The following ABHD2 variants were observed in gnomAD, a reference collection of about 807,000 sequenced individuals.
The protein encoded by ABHD2 is abhydrolase domain containing 2, acylglycerol lipase.
Under a neutral mutation model 48.1 loss-of-function variants are expected in ABHD2, and 20 were observed. The ratio of observed to expected loss-of-function variants is 0.42; its 90% confidence interval spans 0.29 to 0.60. ABHD2 has a LOEUF of 0.60. Among genes scored for constraint, ABHD2 ranks in the 20% least tolerant of loss-of-function variants. The pLI is 0.24. For missense variants in ABHD2, 405 were observed against 550.9 expected (o/e 0.74, Z 2.65); for synonymous variants, 209 against 214.2 (o/e 0.98, Z 0.21).
Position 89,186,527 on chromosome 15 carries a change from C to G in ABHD2, c.815+1011C>G, listed in dbSNP as rs1448735128. Among the ~76,000 whole-genome samples the G allele has an allele frequency of 6.6e-6, 1 of 152,106 alleles. No homozygotes were observed. The highest frequency in any genetic ancestry group is 1.5e-5 in the Non-Finnish European group (1 of 68,012). ...TTGCTGAGAATACTCTCCCGTTTCT[C>G]TGCTGGTGGGAACTCAGCCCATCCT... is the stretch of plus-strand genomic sequence containing the variant. On this transcript the variant is annotated intron_variant, in intron 7 of 10. Coordinates refer to ENST00000352732, the MANE Select transcript of ABHD2 (RefSeq NM_152924.5). The surrounding 1 kb of genome is among the most constrained non-coding windows in gnomAD (Gnocchi z 4.3).
rs115984472 is a variant in ABHD2, at chr15:89,159,390, T to G, written c.538+3856T>G. ...AGACTCCATCTCAAAAAAAAAGGAA[T>G]TACAATACAGTGTGATGAGTGGACT... On this transcript the variant is annotated intron_variant, in intron 5 of 10. Transcript: ENST00000352732. 3.7e-3 allele frequency among the ~76,000 whole-genome samples: 570 copies of G among 152,104 alleles called. 6 individuals are homozygous for G. Among genetic ancestry groups the G allele is most frequent in the African/African-American group, 0.013 (539 of 41,496 alleles).
chr15:89,080,392 G>A, the ABHD2 span, among the ~76,000 whole-genome samples: 1 of 152,188 alleles, frequency 6.6e-6, no homozygotes, highest in Admixed American at 6.5e-5. Flanking sequence ...AGGAGCCTGG[G>A]AACTCCATTC....
the ABHD2 span, among the ~76,000 whole-genome samples, chr15:89,080,450 C>A: frequency 1.3e-5 from 2 of 152,236 alleles, no homozygotes; most frequent in East Asian, 3.9e-4. Flanking sequence ...CTGGAGAGAA[C>A]CAGGGAAAGC....
rs950151680 is a variant in ABHD2 at position 89,167,977 on chromosome 15, A to C, written c.539-7835A>C. On this transcript the variant is annotated intron_variant, in intron 5 of 10. Transcript: ENST00000352732. The surrounding 1 kb of genome is among the most constrained non-coding windows in gnomAD (Gnocchi z 5.5). Reference sequence around the variant, plus strand: ...GACGATTCAAACTTCCTTCTTATCCACCTGACATTTTGTGGCATATCCACA... The same window carrying C: ...GACGATTCAAACTTCCTTCTTATCCCCCTGACATTTTGTGGCATATCCACA... Among the ~76,000 whole-genome samples, 1 of 152,078 alleles carries C rather than the reference A, an allele frequency of 6.6e-6. No homozygotes were observed. Among genetic ancestry groups the C allele is most frequent in the Non-Finnish European group, 1.5e-5 (1 of 68,026 alleles).
rs1397689248 is a variant in ABHD2 at position 89,100,694 on chromosome 15, C to T, written c.-107+12131C>T. On this transcript the variant is annotated intron_variant, in intron 1 of 10. Transcript: ENST00000352732. This position sits in a 1 kb window ranked among gnomAD's most constrained non-coding sequence, Gnocchi z 4.4. The stretch of plus-strand genomic sequence containing the variant: ...ACCAGCCTGGCCAACATAGTGAAAC[C>T]CTGTCTCTACTAAAAATACAAAAAA... 1.3e-5 allele frequency among the ~76,000 whole-genome samples: 2 copies of T among 151,962 alleles called. No homozygotes were observed.
chr15:89,060,086 T>A, the ABHD2 span, among the ~76,000 whole-genome samples: 3 of 22,568 alleles, frequency 1.3e-4, no homozygotes, highest in Non-Finnish European at 3.4e-4. Context: ...CCAAGGCCTT[T>A]TTTTTTTTTT....
In ABHD2 at chr15:89,185,461, C is replaced by T. The variant is rs1230782165; in HGVS notation, c.760C>T (p.Arg254Trp). The T allele has an allele frequency of 1.2e-6, 2 of 1,614,128 alleles. No individual in the cohort carries two copies. The highest frequency in any genetic ancestry group is 8.5e-7 in the Non-Finnish European group (1 of 1,179,998). Residue 254 changes from arginine (R) to tryptophan (W), a missense_variant, in exon 7 of 11, where the codon CGG becomes TGG. By Grantham distance (101) the Arg-to-Trp change is moderately radical. Transcript: ENST00000352732. This position sits in a 1 kb window ranked among gnomAD's most constrained non-coding sequence, Gnocchi z 5.9. Reference protein sequence around the residue: ...ETFMQWDQCRRFYNFLMADNM... With the variant: ...ETFMQWDQCRWFYNFLMADNM... ...CTTCATGCAATGGGATCAGTGCCGG[C>T]GGTTCTACAACTTCCTCATGGCTGA...
At chr15:89,068,752 C>CAGTTTTTTTTTT in the ABHD2 span, among the ~76,000 whole-genome samples, 4 of 85,174 alleles carry the variant, frequency 4.7e-5, no homozygotes, top group African/African-American at 1.9e-4. Context: ...GGCAAGCTTC[C>CAGTTTTTTTTTT]TCTTTTTTTT....
chr15:89,067,835 T>G, the ABHD2 span, among the ~76,000 whole-genome samples: 2 of 152,098 alleles, frequency 1.3e-5, no homozygotes, highest in Non-Finnish European at 2.9e-5. Context: ...AACCTTGAGG[T>G]AGGTACCATG....
chr15:89,076,563 A>G, the ABHD2 span, among the ~76,000 whole-genome samples: 2 of 152,146 alleles, frequency 1.3e-5, no homozygotes, highest in African/African-American at 2.4e-5. Context: ...GACCCATTGC[A>G]GCCTCTACCT....
the ABHD2 span, among the ~76,000 whole-genome samples, chr15:89,060,083 CTTTTTTTTTTTTTTT>C: frequency 1.3e-5 from 1 of 77,574 alleles, no homozygotes; most frequent in Admixed American, 1.6e-4. Flanking sequence ...ACTCCAAGGC[CTTTTTTTTTTTTTTT>C]TTTTTTTTTG....
chr15:89,144,971 A>C (rs934419559), intron 3 of ABHD2, among the ~76,000 whole-genome samples: 2 of 152,128 alleles, frequency 1.3e-5, no homozygotes, highest in African/African-American at 4.8e-5. Context: ...AAACAACTCC[A>C]GTAGGCCGGG....
At chr15:89,157,768 G>A (rs1179220204) in intron 5 of ABHD2, among the ~76,000 whole-genome samples, 1 of 151,932 alleles carries the variant, frequency 6.6e-6, no homozygotes, top group Non-Finnish European at 1.5e-5. Context: ...GCGTGAACCT[G>A]GGAGGTGGAG....
chr15:89,134,951 T>C (rs937710838), intron 3 of ABHD2, among the ~76,000 whole-genome samples: 1 of 152,142 alleles, frequency 6.6e-6, no homozygotes, highest in East Asian at 1.9e-4. Context: ...ACATCATTGC[T>C]TGCCATTTTA....
chr15:89,059,859 G>T, the ABHD2 span, among the ~76,000 whole-genome samples: 1 of 152,124 alleles, frequency 6.6e-6, no homozygotes, highest in South Asian at 2.1e-4. Context: ...GTGGCCGAAG[G>T]AAAACCTCAT....
rs75334235 is a variant in ABHD2 at position 89,160,598 on chromosome 15, A to C, written c.538+5064A>C. 4.4e-3 allele frequency among the ~76,000 whole-genome samples: 662 copies of C among 152,082 alleles called. 7 individuals carry two copies. Among genetic ancestry groups the C allele is most frequent in the African/African-American group, 0.015 (624 of 41,490 alleles). On this transcript the variant is annotated intron_variant, in intron 5 of 10. Coordinates refer to ENST00000352732, the MANE Select transcript of ABHD2 (RefSeq NM_152924.5). ...ATGGACTAGATTATGCTGTGGAAAC[A>C]ACTTGGATCTCAGTGGTTTAAAGCA...
At chr15:89,078,838 C>A in the ABHD2 span, among the ~76,000 whole-genome samples, 1 of 151,506 alleles carries the variant, frequency 6.6e-6, no homozygotes, top group South Asian at 2.1e-4. Flanking sequence ...TCAAGCAATT[C>A]TCCTGTCTCA....
At position 89,196,576 on chromosome 15, in the gene ABHD2, G is replaced by C. The variant is rs959610670; in HGVS notation, c.*1153G>C. 5.9e-5 allele frequency: 9 copies of C among 152,072 alleles called. No homozygotes were observed. Among genetic ancestry groups the C allele is most frequent in the African/African-American group, 2.2e-4 (9 of 41,394 alleles). The allele number at this position is 152,072 out of a possible 1,614,324, so 9.4% of individuals were successfully genotyped here. ...ATATCATCGTTTGCCTTTTGTGTGTGTGTGTCCCTTATTTGATAAAAAGAT... is the reference window on the plus strand; with the variant it reads ...ATATCATCGTTTGCCTTTTGTGTGTCTGTGTCCCTTATTTGATAAAAAGAT... On this transcript the variant is annotated 3_prime_UTR_variant, in exon 11 of 11. Transcript: ENST00000352732.
rs1409455790 is a variant in ABHD2 at position 89,200,915 on chromosome 15, C to T, written c.*5492C>T. The T allele has an allele frequency of 2.3e-6, 1 of 426,290 alleles. No individual in the cohort carries two copies. Among genetic ancestry groups the T allele is most frequent in the Non-Finnish European group, 4.2e-6 (1 of 235,386 alleles). The allele number at this position is 426,290 out of a possible 1,614,324, so 26.4% of individuals were successfully genotyped here. A position where few individuals can be genotyped will look rare whatever the true frequency, so the allele number is the denominator to read the frequency against. On this transcript the variant is annotated 3_prime_UTR_variant, in exon 11 of 11. Transcript: ENST00000352732. ...TGGCCAACATGGTGAAACCCCTTCT[C>T]TACTAAAAATGCAAAAATTAGCTGG... is the stretch of plus-strand genomic sequence containing the variant.
Sources: gnomAD v4.1 joint callset for allele counts (sites outside exome capture counted in the v4.1 genomes callset) on GRCh38, gnomAD v4.1.1 for gene constraint, Gnocchi (gnomAD v3.1) non-coding constraint, MANE v1.5 for transcripts, NCBI Gene and HGNC (gene_info 2026-07-23, HGNC 2026-07-21) for gene names.